THSD7B: variants seen among roughly 807,000 people sequenced by gnomAD.
THSD7B encodes the protein thrombospondin type-1 domain-containing protein 7B.
A neutral mutation model predicts 213.6 loss-of-function variants in THSD7B; 138 were observed. The ratio of observed to expected loss-of-function variants is 0.65; its 90% CI spans 0.56 to 0.74. THSD7B has a LOEUF of 0.74. THSD7B is among the 30% of genes least tolerant of loss of function. The pLI is 0.00. For missense variants in THSD7B, 1,931 were observed against 1,991.5 expected, an observed-to-expected ratio of 0.97 and a Z score of 0.58; for synonymous variants, 742 against 687.0, an observed-to-expected ratio of 1.08 and a Z score of -1.25.
At chr2:136,796,833 T>C (rs940296332) in intron 1 of THSD7B, among the ~76,000 whole-genome samples, 1 of 151,946 alleles carries the variant, frequency 6.6e-6, no homozygotes, top group Admixed American at 6.6e-5. Flanking sequence ...AGACTTGTGT[T>C]TTTTAATAGT....
chr2:137,437,101 T>TC lies in THSD7B; in HGVS notation c.2960-13743dup, dbSNP rs200050299. On this transcript the variant is annotated intron_variant, in intron 14 of 27. Transcript: ENST00000409968. ...AATAACACTTGAAGATTTTATCTCA[T>TC]CTTTTTTCCCAGATCATCTTTTGAG... Among the ~76,000 whole-genome samples, 744 of 152,292 alleles carry TC rather than the reference T, an allele frequency of 4.9e-3. 11 individuals are homozygous for TC. The highest frequency in any genetic ancestry group is 0.043 in the Admixed American group (653 of 15,290).
At chr2:137,089,852 A>G (rs1687917525) in intron 3 of THSD7B, among the ~76,000 whole-genome samples, 2 of 151,996 alleles carry the variant, frequency 1.3e-5, no homozygotes, top group Admixed American at 1.3e-4. Flanking sequence ...TAATAAAAAT[A>G]CAAAAAATTA....
chr2:137,519,450 G>A (rs569267492), intron 15 of THSD7B, among the ~76,000 whole-genome samples: 1 of 152,260 alleles, frequency 6.6e-6, no homozygotes, highest in Non-Finnish European at 1.5e-5. Flanking sequence ...TGGTAGAACT[G>A]CTAACTGCTG....
intron 13 of THSD7B, among the ~76,000 whole-genome samples, chr2:137,407,433 G>C (rs572115886): frequency 1.4e-3 from 216 of 151,940 alleles, no homozygotes; most frequent in Non-Finnish European, 2.6e-3. Context: ...AAATACATGA[G>C]TTTTTTTAAA....
intron 7 of THSD7B, among the ~76,000 whole-genome samples, chr2:137,197,940 A>G (rs1449220688): frequency 6.6e-6 from 1 of 152,188 alleles, no homozygotes; most frequent in Admixed American, 6.6e-5. Flanking sequence ...TATTCCGCAC[A>G]CACTCATGCA....
At position 137,209,065 on chromosome 2, in the gene THSD7B, G is replaced by A. The variant is rs138818551; in HGVS notation, c.1724-21979G>A. Among the ~76,000 whole-genome samples the A allele has an allele frequency of 2.3e-3, 354 of 152,134 alleles. 4 individuals carry two copies. Among genetic ancestry groups the A allele is most frequent in the African/African-American group, 7.7e-3 (319 of 41,536 alleles). On this transcript the variant is annotated intron_variant, in intron 7 of 27. Coordinates refer to ENST00000409968, the MANE Select transcript of THSD7B (RefSeq NM_001316349.2). ...GGGCTATGATTATCCTTGCTTTAAG[G>A]TTAAACTATAAACTAAATTTTTTCT...
intron 21 of THSD7B, among the ~76,000 whole-genome samples, chr2:137,650,413 A>C (rs771924666): frequency 6.6e-6 from 1 of 152,076 alleles, no homozygotes; most frequent in African/African-American, 2.4e-5. Flanking sequence ...AATGCTACTG[A>C]TTTCTGTATG....
chr2:136,851,670 A>T (rs760105308), intron 1 of THSD7B, among the ~76,000 whole-genome samples: 4 of 152,024 alleles, frequency 2.6e-5, no homozygotes, highest in African/African-American at 7.2e-5. Flanking sequence ...CTAGAGAGGG[A>T]TGTTTTTCTC....
At chr2:137,179,584 C>T (rs762537517) in intron 7 of THSD7B, among the ~76,000 whole-genome samples, 2 of 151,542 alleles carry the variant, frequency 1.3e-5, no homozygotes, top group South Asian at 2.1e-4. Flanking sequence ...AAAAAAAAAG[C>T]CTTCCTAGAA....
chr2:137,558,951 A>T (rs367937266), intron 15 of THSD7B, among the ~76,000 whole-genome samples: 1 of 152,052 alleles, frequency 6.6e-6, no homozygotes, highest in East Asian at 1.9e-4. Context: ...TCATGAGTGA[A>T]CTCCCATTCA....
At chr2:137,346,495 T>C (rs914719968) in intron 12 of THSD7B, among the ~76,000 whole-genome samples, 1 of 150,666 alleles carries the variant, frequency 6.6e-6, no homozygotes, top group Non-Finnish European at 1.5e-5. Context: ...TCTCTCTCTC[T>C]CTCCCTCTCC....
intron 12 of THSD7B, among the ~76,000 whole-genome samples, chr2:137,398,817 T>C (rs557203984): frequency 2.2e-4 from 34 of 152,182 alleles, no homozygotes; most frequent in East Asian, 9.8e-4. Context: ...ATCAGCGAGA[T>C]TCCGTGGGCG....
intron 16 of THSD7B, among the ~76,000 whole-genome samples, chr2:137,565,933 C>T (rs1420052651): frequency 6.6e-6 from 1 of 152,174 alleles, no homozygotes; most frequent in Non-Finnish European, 1.5e-5. Context: ...GGAACACATT[C>T]AACCCACTGA....
intron 2 of THSD7B, among the ~76,000 whole-genome samples, chr2:136,936,701 C>CTA: frequency 6.6e-6 from 1 of 152,198 alleles, no homozygotes; most frequent in East Asian, 1.9e-4. Context: ...GGGATAAAGA[C>CTA]TACAAGTAGG....
At chr2:137,550,890 T>G (rs1444083845) in intron 15 of THSD7B, among the ~76,000 whole-genome samples, 1 of 152,036 alleles carries the variant, frequency 6.6e-6, no homozygotes, top group Admixed American at 6.6e-5. Context: ...CTCAGTTCTA[T>G]GCTTAGTACC....
chr2:136,880,180 A>G (rs1188015920), intron 1 of THSD7B, among the ~76,000 whole-genome samples: 1 of 152,120 alleles, frequency 6.6e-6, no homozygotes, highest in Non-Finnish European at 1.5e-5. Flanking sequence ...TCAGCACCAC[A>G]CCACACTTAT....
At chr2:137,520,774 T>G (rs1680169763) in intron 15 of THSD7B, among the ~76,000 whole-genome samples, 1 of 152,214 alleles carries the variant, frequency 6.6e-6, no homozygotes, top group Admixed American at 6.5e-5. Flanking sequence ...ATGGCAACAT[T>G]CAACATTAAA....
chr2:137,308,065 C>T (rs11902110), intron 12 of THSD7B, among the ~76,000 whole-genome samples: 4,980 of 152,088 alleles, frequency 0.033, 178 homozygotes, highest in African/African-American at 0.088. Context: ...GTGTGTGATA[C>T]ACTATGGAAG....
chr2:136,866,680 T>C (rs1443179805), intron 1 of THSD7B, among the ~76,000 whole-genome samples: 1 of 152,252 alleles, frequency 6.6e-6, no homozygotes, highest in South Asian at 2.1e-4. Flanking sequence ...TTTTAACGTA[T>C]GGTTACACGC....
Sources: gnomAD v4.1 joint callset for allele counts (sites outside exome capture counted in the v4.1 genomes callset) on GRCh38, gnomAD v4.1.1 for gene constraint, MANE v1.5 for transcripts, NCBI Gene and HGNC (gene_info 2026-07-23, HGNC 2026-07-21) for gene names.